The following AGBL4 variants were observed in gnomAD, a reference collection of about 807,000 sequenced individuals.
AGBL4 encodes the protein cytosolic carboxypeptidase 6.
Under a neutral mutation model 66.4 loss-of-function variants are expected in AGBL4, and 58 were observed. The observed-to-expected ratio is 0.87, with a 90% CI of 0.71 to 1.09. The LOEUF (loss-of-function observed/expected upper bound fraction) is 1.09, where lower values mean the gene tolerates loss of function less well. AGBL4 is among the 50% of genes least tolerant of loss of function. AGBL4 has a pLI of 0.00. For synonymous variants in AGBL4, 234 were observed against 222.9 expected (o/e 1.05, Z -0.44); for missense variants, 579 against 631.0 (o/e 0.92, Z 0.88).
At chr1:48,846,102 G>T (rs761457920) in intron 6 of AGBL4, among the ~76,000 whole-genome samples, 67 of 152,054 alleles carry the variant, frequency 4.4e-4, no homozygotes, top group Non-Finnish European at 4.9e-4. Context: ...TCAGCAGTGT[G>T]AGAGCCACAA....
At chr1:49,787,067 C>T (rs1052011551) in intron 2 of AGBL4, among the ~76,000 whole-genome samples, 3 of 152,156 alleles carry the variant, frequency 2.0e-5, no homozygotes, top group Admixed American at 1.3e-4. Context: ...CTAAGTCCCC[C>T]CTGTAACAGT....
chr1:48,795,958 C>T (rs1645664403), intron 6 of AGBL4, among the ~76,000 whole-genome samples: 1 of 152,162 alleles, frequency 6.6e-6, no homozygotes. Context: ...CTGGCCAGTT[C>T]TATGCAATTT....
At chr1:49,470,446 C>A (rs1366359040) in intron 3 of AGBL4, among the ~76,000 whole-genome samples, 1 of 151,870 alleles carries the variant, frequency 6.6e-6, no homozygotes, top group Non-Finnish European at 1.5e-5. Flanking sequence ...AAGATAGATA[C>A]CAAAACATAA....
At chr1:49,883,012 A>T (rs1264443346) in intron 1 of AGBL4, among the ~76,000 whole-genome samples, 1 of 152,164 alleles carries the variant, frequency 6.6e-6, no homozygotes, top group Non-Finnish European at 1.5e-5. Flanking sequence ...ACATGCAAAA[A>T]ATTTAACATG....
At chr1:49,057,733 T>G (rs1048828797) in intron 4 of AGBL4, among the ~76,000 whole-genome samples, 1 of 152,122 alleles carries the variant, frequency 6.6e-6, no homozygotes, top group Non-Finnish European at 1.5e-5. Context: ...ATTATGCATG[T>G]GTGGTGCTTG....
intron 1 of AGBL4, among the ~76,000 whole-genome samples, chr1:49,885,177 C>T (rs961271325): frequency 2.6e-5 from 4 of 151,780 alleles, no homozygotes; most frequent in African/African-American, 7.3e-5. Flanking sequence ...AAAAAATTAC[C>T]TCTATGTATA....
chr1:49,883,117 T>C (rs1647593073), intron 1 of AGBL4, among the ~76,000 whole-genome samples: 1 of 152,164 alleles, frequency 6.6e-6, no homozygotes, highest in Non-Finnish European at 1.5e-5. Flanking sequence ...TCCAAAAATA[T>C]CATCATTTTA....
intron 11 of AGBL4, among the ~76,000 whole-genome samples, chr1:48,574,580 C>T (rs1371040816): frequency 1.3e-5 from 2 of 149,996 alleles, no homozygotes; most frequent in Non-Finnish European, 3.0e-5. Flanking sequence ...CCTTTACCTC[C>T]TCTCTCTCCT....
At chr1:49,707,288 T>C (rs1352377770) in intron 2 of AGBL4, among the ~76,000 whole-genome samples, 1 of 152,076 alleles carries the variant, frequency 6.6e-6, no homozygotes, top group African/African-American at 2.4e-5. Flanking sequence ...CCTTTACCCT[T>C]ATGTAATGCA....
At chr1:49,877,035 T>C (rs1014263179) in intron 1 of AGBL4, among the ~76,000 whole-genome samples, 12 of 151,912 alleles carry the variant, frequency 7.9e-5, no homozygotes, top group Non-Finnish European at 1.2e-4. Context: ...CTGAAGTTGA[T>C]TATCAGCTTA....
Position 48,816,092 on chromosome 1 carries a change from T to G in AGBL4, c.634+51099A>C, listed in dbSNP as rs144451286. Among the ~76,000 whole-genome samples, 991 of 110,546 alleles carry G rather than the reference T, an allele frequency of 9.0e-3. 5 individuals are homozygous for G. The highest frequency in any genetic ancestry group is 0.016 in the Admixed American group (152 of 9,654). The allele number at this position is 110,546 out of a possible 152,430, so 72.5% of individuals were successfully genotyped here. On this transcript the variant is annotated intron_variant, in intron 6 of 13. Transcript: ENST00000371839. ...GTGTGTGTGTGTGTGTGTGTGTGTGTAGAGAGAAAGAGAGAGAGACAGACA... is the reference window on the plus strand; with the variant it reads ...GTGTGTGTGTGTGTGTGTGTGTGTGGAGAGAGAAAGAGAGAGAGACAGACA...
At chr1:49,817,223 A>G (rs1645253898) in intron 2 of AGBL4, among the ~76,000 whole-genome samples, 1 of 152,186 alleles carries the variant, frequency 6.6e-6, no homozygotes, top group Non-Finnish European at 1.5e-5. Flanking sequence ...GTGAACACTC[A>G]GCAAGCTTGA....
intron 1 of AGBL4, among the ~76,000 whole-genome samples, chr1:49,972,624 G>A (rs1051325002): frequency 4.6e-5 from 7 of 152,182 alleles, no homozygotes; most frequent in African/African-American, 1.7e-4. Context: ...CACAAGAAGG[G>A]TGAGTATAGT....
At chr1:49,110,098 C>G (rs1645375953) in intron 4 of AGBL4, among the ~76,000 whole-genome samples, 1 of 152,202 alleles carries the variant, frequency 6.6e-6, no homozygotes, top group South Asian at 2.1e-4. Flanking sequence ...TATTTGAAAT[C>G]TAATCCATTG....
At chr1:48,965,632 A>G (rs1658359290) in intron 5 of AGBL4, among the ~76,000 whole-genome samples, 1 of 152,108 alleles carries the variant, frequency 6.6e-6, no homozygotes, top group Non-Finnish European at 1.5e-5. Context: ...GTTCCTGACA[A>G]TTTGAGTTGT....
intron 6 of AGBL4, among the ~76,000 whole-genome samples, chr1:48,726,969 C>T (rs978678723): frequency 2.6e-5 from 4 of 152,194 alleles, no homozygotes; most frequent in African/African-American, 9.7e-5. Flanking sequence ...CGGCCCAAAG[C>T]CCTTGCCCTT....
intron 2 of AGBL4, among the ~76,000 whole-genome samples, chr1:49,752,735 A>G (rs1038732930): frequency 9.2e-5 from 14 of 152,214 alleles, no homozygotes; most frequent in African/African-American, 3.1e-4. Context: ...AACTTGCTTT[A>G]AGAATCTGGG....
At chr1:48,632,643 G>A (rs1645610864) in intron 9 of AGBL4, among the ~76,000 whole-genome samples, 1 of 152,038 alleles carries the variant, frequency 6.6e-6, no homozygotes, top group Non-Finnish European at 1.5e-5. Flanking sequence ...GGGAATAATT[G>A]TTTTGTATCT....
chr1:49,095,582 A>G (rs1158611197), intron 4 of AGBL4, among the ~76,000 whole-genome samples: 1 of 152,200 alleles, frequency 6.6e-6, no homozygotes. Flanking sequence ...AAAACAAGAA[A>G]TGGGGAAAGG....
Sources: gnomAD v4.1 joint callset for allele counts (sites outside exome capture counted in the v4.1 genomes callset) on GRCh38, gnomAD v4.1.1 for gene constraint, MANE v1.5 for transcripts, NCBI Gene and HGNC (gene_info 2026-07-23, HGNC 2026-07-21) for gene names.